SLC44A1: variants seen among roughly 807,000 people sequenced by gnomAD.
The protein encoded by SLC44A1 is choline transporter-like protein 1.
In SLC44A1, 26 loss-of-function variants were observed where a neutral mutation model predicts 79.3. The ratio of observed to expected loss-of-function variants is 0.33; its 90% CI spans 0.24 to 0.46. SLC44A1 has a LOEUF of 0.46. SLC44A1 is among the 20% of genes least tolerant of loss of function. The pLI, the probability that SLC44A1 is intolerant of heterozygous loss-of-function variation, is 1.00. For synonymous variants in SLC44A1, 263 were observed against 286.2 expected, an observed-to-expected ratio of 0.92 and a Z score of 0.82; for missense variants, 688 against 798.1, an observed-to-expected ratio of 0.86 and a Z score of 1.66.
Position 105,392,458 on chromosome 9 carries a change from A to G in SLC44A1, c.*3402A>G, listed in dbSNP as rs1300092339. ...GTGAGGGCATTAGGCTGCTGATTGT[A>G]AGTTATTTCCAATACCACTGATCTT... is the stretch of plus-strand genomic sequence containing the variant. On this transcript the variant is annotated 3_prime_UTR_variant, in exon 16 of 16. Coordinates refer to ENST00000374720, the MANE Select transcript of SLC44A1 (RefSeq NM_080546.5). The G allele has an allele frequency of 1.1e-6, 1 of 937,918 alleles. No homozygotes were observed. Among genetic ancestry groups the G allele is most frequent in the Non-Finnish European group, 1.2e-6 (1 of 811,696 alleles). 58.1% of individuals were successfully genotyped at this position (937,918 alleles called of 1,614,324 possible).
At chr9:105,349,649 G>A (rs1031036357) in intron 5 of SLC44A1, among the ~76,000 whole-genome samples, 4 of 152,038 alleles carry the variant, frequency 2.6e-5, no homozygotes, top group African/African-American at 9.7e-5. Flanking sequence ...TAAAGAAAAG[G>A]GGATCCTTTG....
chr9:105,417,488 T>A (rs1374393672), intron 15 of SLC44A1, among the ~76,000 whole-genome samples: 1 of 152,146 alleles, frequency 6.6e-6, no homozygotes, highest in African/African-American at 2.4e-5. Context: ...TGGAATCTGA[T>A]GGACTTGAGT....
intron 6 of SLC44A1, among the ~76,000 whole-genome samples, chr9:105,358,026 T>A (rs1305422099): frequency 2.0e-5 from 3 of 152,238 alleles, no homozygotes; most frequent in African/African-American, 7.2e-5. Flanking sequence ...GGCATGTATG[T>A]TTGCATGTCT....
At chr9:105,288,404 G>A (rs984299583) in intron 1 of SLC44A1, among the ~76,000 whole-genome samples, 1 of 151,974 alleles carries the variant, frequency 6.6e-6, no homozygotes, top group Non-Finnish European at 1.5e-5. Flanking sequence ...GCCGGGGTGC[G>A]GTGGCATGAT....
intron 1 of SLC44A1, among the ~76,000 whole-genome samples, chr9:105,283,343 T>C (rs1276672789): frequency 6.6e-6 from 1 of 152,134 alleles, no homozygotes; most frequent in Non-Finnish European, 1.5e-5. Flanking sequence ...TTTCTGCTTG[T>C]AGAATTTGAA....
intron 4 of SLC44A1, among the ~76,000 whole-genome samples, chr9:105,346,430 C>T (rs914313749): frequency 6.6e-6 from 1 of 152,122 alleles, no homozygotes; most frequent in Non-Finnish European, 1.5e-5. Context: ...AGCACTGACA[C>T]AAAGTGCTTT....
intron 1 of SLC44A1, among the ~76,000 whole-genome samples, chr9:105,287,642 C>T (rs1288024584): frequency 6.6e-6 from 1 of 152,124 alleles, no homozygotes; most frequent in African/African-American, 2.4e-5. Context: ...ACAATGCATG[C>T]TATAGAGTAG....
chr9:105,403,145 T>G (rs1828980441), intron 15 of SLC44A1, among the ~76,000 whole-genome samples: 1 of 151,994 alleles, frequency 6.6e-6, no homozygotes. Flanking sequence ...ACTAAAAATA[T>G]AAAAGCAAAG....
chr9:105,247,929 C>A (rs6479304), intron 1 of SLC44A1, among the ~76,000 whole-genome samples: 6,281 of 152,228 alleles, frequency 0.041, 441 homozygotes, highest in African/African-American at 0.14. Context: ...AATTTACCTG[C>A]CTTTTCTATA....
At chr9:105,358,565 A>G (rs1450213612) in intron 7 of SLC44A1, 132 bp downstream of exon 7, 33 of 633,394 alleles carry the variant, frequency 5.2e-5, no homozygotes, top group Non-Finnish European at 3.9e-5. Flanking sequence ...TTTTTGCCTT[A>G]AAATTTCTTA....
At chr9:105,373,149 A>G (rs1475821166) in intron 12 of SLC44A1, among the ~76,000 whole-genome samples, 1 of 152,180 alleles carries the variant, frequency 6.6e-6, no homozygotes, top group African/African-American at 2.4e-5. Context: ...ATTGTAGACT[A>G]TCTCTCCTGG....
chr9:105,292,329 A>G (rs912760466), intron 1 of SLC44A1, among the ~76,000 whole-genome samples: 4 of 152,220 alleles, frequency 2.6e-5, no homozygotes, highest in African/African-American at 9.6e-5. Context: ...ATATAACCCT[A>G]CACAATAAGT....
rs1827919807 is a variant in SLC44A1 at position 105,365,691 on chromosome 9, G to A, written c.1410+52G>A. Reference sequence around the variant, plus strand: ...TTCTGTGGGCACATTCCAGACCTCAGTTCTGCATGTAGTAAAGCACCCAAT... The same window carrying A: ...TTCTGTGGGCACATTCCAGACCTCAATTCTGCATGTAGTAAAGCACCCAAT... On this transcript the variant is annotated intron_variant, in intron 11 of 15. Transcript: ENST00000374720. 2.0e-6 allele frequency: 3 copies of A among 1,506,036 alleles called. No homozygotes were observed. The African/African-American group carries it at 4.1e-5, about 21-fold the overall frequency. The allele number at this position is 1,506,036 out of a possible 1,614,324, so 93.3% of individuals were successfully genotyped here. A position where few individuals can be genotyped will look rare whatever the true frequency, so the allele number is the denominator to read the frequency against.
At chr9:105,283,237 G>A (rs1830400853) in intron 1 of SLC44A1, among the ~76,000 whole-genome samples, 1 of 152,166 alleles carries the variant, frequency 6.6e-6, no homozygotes, top group African/African-American at 2.4e-5. Flanking sequence ...AGATAGTAAG[G>A]CAAGCCTGCA....
chr9:105,301,404 C>T (rs1396652626), intron 2 of SLC44A1, among the ~76,000 whole-genome samples: 1 of 152,126 alleles, frequency 6.6e-6, no homozygotes, highest in East Asian at 1.9e-4. Context: ...TATTTGTTTT[C>T]GAATGATTCC....
At chr9:105,250,738 C>T (rs1294782823) in intron 1 of SLC44A1, among the ~76,000 whole-genome samples, 1 of 152,158 alleles carries the variant, frequency 6.6e-6, no homozygotes, top group Non-Finnish European at 1.5e-5. Flanking sequence ...CTCAGGCTTT[C>T]TTTTCCTTTC....
chr9:105,257,643 A>G (rs1829743336), intron 1 of SLC44A1, among the ~76,000 whole-genome samples: 1 of 152,180 alleles, frequency 6.6e-6, no homozygotes, highest in African/African-American at 2.4e-5. Context: ...CAAGAGAGGA[A>G]AGAATAGTTG....
downstream of SLC44A1, among the ~76,000 whole-genome samples, chr9:105,402,232 G>A (rs1277181395): frequency 2.0e-5 from 3 of 152,170 alleles, no homozygotes; most frequent in African/African-American, 2.4e-5. Context: ...TGGAGACTGC[G>A]TTGAGAGTGG....
At chr9:105,307,372 G>A (rs532469280) in intron 2 of SLC44A1, among the ~76,000 whole-genome samples, 68 of 152,198 alleles carry the variant, frequency 4.5e-4, no homozygotes, top group African/African-American at 1.1e-3. Context: ...GGCCACACGC[G>A]GTGGCTCACG....
Sources: allele counts gnomAD v4.1 joint callset (sites outside exome capture counted in the v4.1 genomes callset), GRCh38; gene constraint gnomAD v4.1.1; transcripts MANE v1.5; gene names NCBI Gene and HGNC (gene_info 2026-07-23, HGNC 2026-07-21).